Variants in ADAMTS13 observed in about 807,000 individuals in gnomAD.
ADAMTS13 encodes the protein A disintegrin and metalloproteinase with thrombospondin motifs 13.
A neutral mutation model predicts 155.1 loss-of-function variants in ADAMTS13; 110 were observed. The observed-to-expected ratio is 0.71, with a 90% CI of 0.61 to 0.83. The LOEUF is 0.83. Among genes scored for constraint, ADAMTS13 ranks in the 40% least tolerant of loss-of-function variants. The pLI is 0.00. For synonymous variants in ADAMTS13, 758 were observed against 756.4 expected (o/e 1.00, Z -0.03); for missense variants, 1,707 against 1,891.7 (o/e 0.90, Z 1.81).
At chr9:133,417,741 T>C, upstream of ADAMTS13, 1 of 1,613,976 alleles carries the variant, frequency 6.2e-7, no homozygotes. Flanking sequence ...CCAAAACCTT[T>C]TTTTCTTCTT....
At position 133,437,886 on chromosome 9, in the gene ADAMTS13, G is replaced by A; in HGVS notation, c.1573G>A (p.Gly525Ser). ...CGGGACCCTGAGCCTGTGTGTGTCG[G>A]GCAGCTGCAGGGTAGGCGTGTGTGG... ...EDGTLSLCVS[G>S]SCRTFGCDGR... Residue 525 changes from glycine (G) to serine (S), a missense_variant, in exon 13 of 29, where the codon GGC (glycine) becomes AGC (serine). This residue lies in a region of ADAMTS13 where 733 missense variants were observed against 749.6 expected (regional missense o/e 0.98). Transcript: ENST00000355699. 1 of 1,613,606 alleles carries A rather than the reference G, an allele frequency of 6.2e-7. No homozygotes were observed. Among genetic ancestry groups the A allele is most frequent in the South Asian group, 1.1e-5 (1 of 91,080 alleles).
intron 28 of ADAMTS13, 134 bp downstream of exon 28, chr9:133,458,228 G>GCTT (rs1305628883): frequency 9.2e-7 from 1 of 1,089,956 alleles, no homozygotes; most frequent in Non-Finnish European, 1.3e-6. Flanking sequence ...GGAGAAGATA[G>GCTT]CTTCCTCCAC....
In ADAMTS13 at chr9:133,455,270, C is replaced by G. The variant is rs587617950; in HGVS notation, c.3250-15C>G. 8.7e-6 allele frequency: 14 copies of G among 1,600,560 alleles called. No individual in the cohort carries two copies. In the African/African-American group the frequency reaches 1.7e-4, roughly 20 times the overall value. ...GGCAGGGTCAGCTGTGACTCCTCCT[C>G]CCCTCTCTTGGCAGTGCTCTGTTTC... On this transcript the variant is annotated splice_polypyrimidine_tract_variant and intron_variant, in intron 24 of 28. Coordinates refer to ENST00000355699, the MANE Select transcript of ADAMTS13 (RefSeq NM_139027.6).
intron 11 of ADAMTS13, among the ~76,000 whole-genome samples, chr9:133,436,493 G>T (rs1564421755): frequency 6.6e-6 from 1 of 152,182 alleles, no homozygotes; most frequent in Admixed American, 6.5e-5. Flanking sequence ...TTGGTTACCT[G>T]CCTCTAGGTG....
chr9:133,433,166 G>C lies in ADAMTS13; in HGVS notation c.1093-212G>C, dbSNP rs144473590. On this transcript the variant is annotated intron_variant, in intron 9 of 28. Coordinates refer to ENST00000355699, the MANE Select transcript of ADAMTS13 (RefSeq NM_139027.6). ...GGGGATCCATGTGGCTGGGGTACCT[G>C]TGTGTTGGGGGGTCTCTGTGTGTGT... Among the ~76,000 whole-genome samples, 1,272 of 142,438 alleles carry C rather than the reference G, an allele frequency of 8.9e-3. 9 individuals carry two copies. Among genetic ancestry groups the C allele is most frequent in the Non-Finnish European group, 0.014 (941 of 65,240 alleles). 93.4% of individuals were successfully genotyped at this position (142,438 alleles called of 152,430 possible). A position where few individuals can be genotyped will look rare whatever the true frequency, so the allele number is the denominator to read the frequency against.
At chr9:133,455,969 C>T (rs956985345) in intron 25 of ADAMTS13, 100 bp from the exon 26 acceptor site, 1 of 1,533,384 alleles carries the variant, frequency 6.5e-7, no homozygotes, top group Non-Finnish European at 8.9e-7. Context: ...ACAGGGTCCA[C>T]CCCTACCTCC....
In ADAMTS13 at chr9:133,432,596, C is replaced by T. The variant is rs1554787767; in HGVS notation, c.996C>T (p.Cys332=). The change falls in exon 9 of 29, where the codon TGC becomes TGT. Residue 332 remains cysteine, a synonymous_variant. Coordinates refer to ENST00000355699, the MANE Select transcript of ADAMTS13 (RefSeq NM_139027.6). ...CTFAREHLDM[C]QALSCHTDPL... The stretch of plus-strand genomic sequence containing the variant: ...CCTGTCCACCCTCCTAGGATATGTG[C>T]CAGGCCCTCTCCTGCCACACAGACC... The T allele has an allele frequency of 2.6e-6, 4 of 1,552,508 alleles. No individual in the cohort carries two copies. The South Asian group carries it at 3.6e-5, about 14-fold the overall frequency.
rs1191714648 is a variant in ADAMTS13, at chr9:133,425,229, G to A, written c.331-300G>A. ...AATCTGAGAGGAGCCTGCGATCTGA[G>A]AGGAGCAGCGTTTGACCGGAATATC... is the stretch of plus-strand genomic sequence containing the variant. On this transcript the variant is annotated intron_variant, in intron 3 of 28. Transcript: ENST00000355699. This position sits in a 1 kb window ranked among gnomAD's most constrained non-coding sequence, Gnocchi z 4.6. Among the ~76,000 whole-genome samples, 1 of 152,228 alleles carries A rather than the reference G, an allele frequency of 6.6e-6. No homozygotes were observed. Among genetic ancestry groups the A allele is most frequent in the African/African-American group, 2.4e-5 (1 of 41,464 alleles).
rs2028002 is a variant in ADAMTS13, at chr9:133,438,133, T to C, written c.1585-113T>C. Reference sequence around the variant, plus strand: ...TTCCTGTGTAGATGGTGGGGTGCTATAGAAGTGTTGCTGGTTTTGTGGATC... The same window carrying C: ...TTCCTGTGTAGATGGTGGGGTGCTACAGAAGTGTTGCTGGTTTTGTGGATC... On this transcript the variant is annotated intron_variant, in intron 13 of 28. Transcript: ENST00000355699. The C allele has an allele frequency of 0.41, 639,268 of 1,570,826 alleles. 137,235 individuals are homozygous for C. Among genetic ancestry groups the C allele is most frequent in the Non-Finnish European group, 0.44 (499,651 of 1,146,436 alleles).
chr9:133,440,395 C>G lies in ADAMTS13; in HGVS notation c.1838C>G (p.Pro613Arg), dbSNP rs1189947631. The G allele has an allele frequency of 2.5e-6, 4 of 1,613,954 alleles. No individual in the cohort carries two copies. The highest frequency in any genetic ancestry group is 3.4e-6 in the Non-Finnish European group (4 of 1,180,034). Reference protein sequence around the residue: ...YVVAGKMSISPNTTYPSLLED... With the variant: ...YVVAGKMSISRNTTYPSLLED... Reference sequence around the variant, plus strand: ...GTGGCTGGGAAGATGAGCATCTCCCCTAACACCACCTACCCCTCCCTCCTG... The same window carrying G: ...GTGGCTGGGAAGATGAGCATCTCCCGTAACACCACCTACCCCTCCCTCCTG... The change falls in exon 16 of 29, where the codon CCT (proline) becomes CGT (arginine). Residue 613 changes from proline (P) to arginine (R), a missense_variant. Physicochemically the swap from Pro to Arg is moderately radical, Grantham distance 103. Transcript: ENST00000355699. This position sits in a 1 kb window ranked among gnomAD's most constrained non-coding sequence, Gnocchi z 4.3.
upstream of ADAMTS13, among the ~76,000 whole-genome samples, chr9:133,418,559 C>T (rs1403397071): frequency 6.6e-6 from 1 of 152,200 alleles, no homozygotes; most frequent in Non-Finnish European, 1.5e-5. Context: ...ACTCACGTCT[C>T]CAAAAACCGA....
rs903600237 is a variant in ADAMTS13, at chr9:133,442,598, C to T, written c.2105-16C>T. 1 of 1,613,192 alleles carries T rather than the reference C, an allele frequency of 6.2e-7. No individual in the cohort carries two copies. The highest frequency in any genetic ancestry group is 8.5e-7 in the Non-Finnish European group (1 of 1,180,016). ...CCCTGCAGGGAGGCGGCCTAGCCCTCCCTCTTCCCTCCCAGGGCTGCGCTG... is the reference window on the plus strand; with the variant it reads ...CCCTGCAGGGAGGCGGCCTAGCCCTTCCTCTTCCCTCCCAGGGCTGCGCTG... On this transcript the variant is annotated splice_polypyrimidine_tract_variant and intron_variant, in intron 17 of 28. Transcript: ENST00000355699.
chr9:133,440,299 T>C lies in ADAMTS13; in HGVS notation c.1787-45T>C. ...CACTGACATGTGCCTGTGAGGAGGA[T>C]GGGTGCTCAGCTCCACACAGCTAAC... On this transcript the variant is annotated intron_variant, in intron 15 of 28. Coordinates refer to ENST00000355699, the MANE Select transcript of ADAMTS13 (RefSeq NM_139027.6). The surrounding 1 kb of genome is among the most constrained non-coding windows in gnomAD (Gnocchi z 4.3). 6.2e-7 allele frequency: 1 copy of C among 1,611,468 alleles called. No individual in the cohort carries two copies. Among genetic ancestry groups the C allele is most frequent in the Non-Finnish European group, 8.5e-7 (1 of 1,178,630 alleles).
rs1841265398 is a variant in ADAMTS13, at chr9:133,436,833, G to T, written c.1313G>T (p.Cys438Phe). The change falls in exon 12 of 29, where the codon TGC becomes TTC. Residue 438 changes from cysteine to phenylalanine, a missense_variant. By Grantham distance (205) the Cys-to-Phe change is radical. Transcript: ENST00000355699. ...LQAEMCNTQACEKTQLEFMSQ... is the reference protein window; with the variant it reads ...LQAEMCNTQAFEKTQLEFMSQ... The stretch of plus-strand genomic sequence containing the variant: ...CCTCTGCCTCCTCCTGGCCAGGCCT[G>T]CGAGAAGACCCAGCTGGAGTTCATG... 2.6e-6 allele frequency: 4 copies of T among 1,568,512 alleles called. No individual in the cohort carries two copies. Among genetic ancestry groups the T allele is most frequent in the East Asian group, 2.3e-5 (1 of 43,088 alleles).
At chr9:133,435,551 A>G (rs1841129347) in intron 11 of ADAMTS13, among the ~76,000 whole-genome samples, 1 of 134,154 alleles carries the variant, frequency 7.5e-6, no homozygotes, top group Non-Finnish European at 1.6e-5. Flanking sequence ...TTTTTTAGAG[A>G]TGGAGTCTCG....
exon 1 of ADAMTS13, chr9:133,414,365 C>T (rs1274236594): frequency 1.0e-5 from 6 of 596,162 alleles, no homozygotes; most frequent in Admixed American, 4.3e-5. Context: ...ACCCAACTGG[C>T]GAGAAGCAGG....
chr9:133,414,669 T>C, intron 1 of ADAMTS13: 1 of 1,613,698 alleles, frequency 6.2e-7, no homozygotes, highest in Non-Finnish European at 8.5e-7. Context: ...ACTTACTCGG[T>C]GGGTGGGGCT....
upstream of ADAMTS13, chr9:133,422,359 C>A: frequency 3.2e-6 from 4 of 1,265,864 alleles, no homozygotes; most frequent in East Asian, 2.3e-5. Flanking sequence ...AGTGAGCAGG[C>A]CTGTCCCATT....
At chr9:133,453,176 C>G (rs961822622) in intron 23 of ADAMTS13, among the ~76,000 whole-genome samples, 2 of 152,252 alleles carry the variant, frequency 1.3e-5, no homozygotes, top group African/African-American at 4.8e-5. Flanking sequence ...GTGGCTTATG[C>G]CTGTAATCCC....
Sources: allele counts gnomAD v4.1 joint callset (sites outside exome capture counted in the v4.1 genomes callset), GRCh38; gene constraint gnomAD v4.1.1; regional missense constraint gnomAD v4.1.1; non-coding constraint Gnocchi (gnomAD v3.1); transcripts MANE v1.5; gene names NCBI Gene and HGNC (gene_info 2026-07-23, HGNC 2026-07-21).